APBA2: variants seen among roughly 807,000 people sequenced by gnomAD.
The protein encoded by APBA2 is amyloid beta precursor protein binding family A member 2.
Under a neutral mutation model 75.0 loss-of-function variants are expected in APBA2, and 30 were observed. The ratio of observed to expected loss-of-function variants is 0.40; its 90% CI spans 0.30 to 0.54. The LOEUF (loss-of-function observed/expected upper bound fraction) is 0.54, where lower values mean the gene tolerates loss of function less well. APBA2 is among the 20% of genes least tolerant of loss of function. The probability of loss-of-function intolerance (pLI) is 0.49; values close to 1 mark genes in which losing one functional copy is unlikely to be tolerated. For missense variants in APBA2, 801 were observed against 1,016.1 expected (o/e 0.79, Z 2.88); for synonymous variants, 444 against 409.6 (o/e 1.08, Z -1.01).
chr15:29,006,833 A>G (rs2039143117), intron 3 of APBA2, among the ~76,000 whole-genome samples: 1 of 152,238 alleles, frequency 6.6e-6, no homozygotes, highest in Admixed American at 6.5e-5. Flanking sequence ...ACTATGTCAT[A>G]TCCAAAGCAA....
intron 6 of APBA2, among the ~76,000 whole-genome samples, chr15:29,086,244 C>T (rs1056118420): frequency 6.6e-5 from 10 of 152,200 alleles, no homozygotes; most frequent in Admixed American, 3.9e-4. Flanking sequence ...CTCCCCTCTT[C>T]AGGCATTCAG....
At chr15:28,988,918 GTAT>G (rs2038072478) in intron 2 of APBA2, among the ~76,000 whole-genome samples, 1 of 152,176 alleles carries the variant, frequency 6.6e-6, no homozygotes, top group African/African-American at 2.4e-5. Context: ...CACTGACAGC[GTAT>G]GAGTTTCCTC....
At chr15:28,908,530 C>G (rs919185485) in intron 1 of APBA2, among the ~76,000 whole-genome samples, 1 of 151,958 alleles carries the variant, frequency 6.6e-6, no homozygotes, top group East Asian at 1.9e-4. Flanking sequence ...CAGATGGTCT[C>G]GATCTCCTGA....
intron 2 of APBA2, chr15:28,976,946 T>TGCG (rs1302559475): frequency 3.9e-5 from 6 of 152,178 alleles, no homozygotes; most frequent in Non-Finnish European, 8.8e-5. Flanking sequence ...CTGGTTCCAG[T>TGCG]GCATTACTAG....
At chr15:29,071,169 A>G (rs955034818) in intron 4 of APBA2, 42 of 401,892 alleles carry the variant, frequency 1.0e-4, no homozygotes, top group African/African-American at 8.7e-4. Context: ...TTTCAGTTTC[A>G]TCAAGCAGGC....
At chr15:29,040,940 A>G (rs1566936473) in intron 3 of APBA2, among the ~76,000 whole-genome samples, 2 of 152,224 alleles carry the variant, frequency 1.3e-5, no homozygotes, top group Admixed American at 6.5e-5. Context: ...CAAAGACTTT[A>G]AAGTGACTGT....
intron 1 of APBA2, among the ~76,000 whole-genome samples, chr15:28,901,301 C>T (rs2152630694): frequency 6.6e-6 from 1 of 152,280 alleles, no homozygotes; most frequent in Non-Finnish European, 1.5e-5. Flanking sequence ...CCAGCCCCCA[C>T]CCAGCTCTGG....
At chr15:29,055,825 C>T (rs1356621040) in intron 4 of APBA2, among the ~76,000 whole-genome samples, 3 of 152,094 alleles carry the variant, frequency 2.0e-5, no homozygotes, top group Admixed American at 1.3e-4. Context: ...CTCTAAAGAA[C>T]GTTAAGTGTC....
intron 2 of APBA2, among the ~76,000 whole-genome samples, chr15:28,957,064 CTTTTTCTTTT>C (rs1028273905): frequency 6.7e-6 from 1 of 148,914 alleles, no homozygotes; most frequent in African/African-American, 2.4e-5. Flanking sequence ...CTCTTGTTTT[CTTTTTCTTTT>C]TTTTTCTTTT....
In APBA2 at chr15:29,108,216, G is replaced by A. The variant is rs1041740576; in HGVS notation, c.1918-54G>A. The stretch of plus-strand genomic sequence containing the variant: ...ACCCTGCCAGCCTCGCTCATCCTGG[G>A]TCAGGCTTGATGTCTAAGGCCCAGC... On this transcript the variant is annotated intron_variant, in intron 12 of 14. Transcript: ENST00000683413. 23 of 1,611,442 alleles carry A rather than the reference G, an allele frequency of 1.4e-5. No homozygotes were observed. The Admixed American group carries it at 3.7e-4, about 26-fold the overall frequency.
chr15:28,964,322 G>A (rs960681929), intron 2 of APBA2, among the ~76,000 whole-genome samples: 20 of 152,268 alleles, frequency 1.3e-4, no homozygotes, highest in Middle Eastern at 3.4e-3. Context: ...AGCATTTGGT[G>A]TTATCACTGT....
chr15:28,920,168 A>T (rs2033899036), intron 1 of APBA2, among the ~76,000 whole-genome samples: 1 of 152,234 alleles, frequency 6.6e-6, no homozygotes, highest in African/African-American at 2.4e-5. Context: ...GAAAGAAGAC[A>T]GGGCTGAGAA....
intron 1 of APBA2, among the ~76,000 whole-genome samples, chr15:28,920,117 G>A (rs369372878): frequency 2.0e-5 from 3 of 152,210 alleles, no homozygotes; most frequent in South Asian, 2.1e-4. Flanking sequence ...GAGCCTGAGA[G>A]GGAATGGGAG....
chr15:28,940,776 G>A (rs1007084905), intron 2 of APBA2, among the ~76,000 whole-genome samples: 4 of 152,160 alleles, frequency 2.6e-5, no homozygotes, highest in African/African-American at 9.7e-5. Flanking sequence ...CCGGGTTGGG[G>A]GCGGGAAATG....
At chr15:28,930,394 A>G (rs764698731) in intron 2 of APBA2, among the ~76,000 whole-genome samples, 6 of 152,128 alleles carry the variant, frequency 3.9e-5, no homozygotes, top group Non-Finnish European at 7.4e-5. Flanking sequence ...TCAAATGAAC[A>G]TTCCAGGCAG....
intron 2 of APBA2, among the ~76,000 whole-genome samples, chr15:28,948,900 G>A (rs2035695657): frequency 6.6e-6 from 1 of 151,424 alleles, no homozygotes; most frequent in Non-Finnish European, 1.5e-5. Context: ...TGGGGGGTTG[G>A]TGAGGATAGG....
intron 6 of APBA2, among the ~76,000 whole-genome samples, chr15:29,080,819 G>T (rs542642712): frequency 6.6e-6 from 1 of 152,220 alleles, no homozygotes; most frequent in Non-Finnish European, 1.5e-5. Context: ...GGGCCTAACA[G>T]TGGCAGCTTC....
intron 1 of APBA2, among the ~76,000 whole-genome samples, chr15:28,900,721 T>C (rs187527456): frequency 6.6e-6 from 1 of 152,208 alleles, no homozygotes; most frequent in Non-Finnish European, 1.5e-5. Flanking sequence ...CCTGTTTCCC[T>C]GTCAGGATGT....
chr15:29,068,524 G>T (rs545916967), intron 4 of APBA2, among the ~76,000 whole-genome samples: 1 of 152,376 alleles, frequency 6.6e-6, no homozygotes, highest in South Asian at 2.1e-4. Context: ...CAGAGTGCCA[G>T]GTGGATCACA....
Sources: gnomAD v4.1 joint callset for allele counts (sites outside exome capture counted in the v4.1 genomes callset) on GRCh38, gnomAD v4.1.1 for gene constraint, MANE v1.5 for transcripts, NCBI Gene and HGNC (gene_info 2026-07-23, HGNC 2026-07-21) for gene names.